PTPRD: variants seen among roughly 807,000 people sequenced by gnomAD.
PTPRD encodes the protein receptor-type tyrosine-protein phosphatase delta.
PTPRD carries 34 observed loss-of-function variants against 214.5 expected under a neutral mutation model. The ratio of observed to expected loss-of-function variants is 0.16; its 90% CI spans 0.12 to 0.21. The LOEUF is 0.21. Ranked by LOEUF, PTPRD falls within the 10% of genes least tolerant of loss-of-function variation. The probability of loss-of-function intolerance (pLI) is 1.00; values close to 1 mark genes in which losing one functional copy is unlikely to be tolerated. For missense variants in PTPRD, 2,545 were observed against 2,398.7 expected, an observed-to-expected ratio of 1.06 and a Z score of -1.27; for synonymous variants, 1,128 against 845.7, an observed-to-expected ratio of 1.33 and a Z score of -5.79.
At chr9:9,206,250 G>C (rs766715632) in intron 9 of PTPRD, among the ~76,000 whole-genome samples, 2 of 152,176 alleles carry the variant, frequency 1.3e-5, no homozygotes, top group Non-Finnish European at 2.9e-5. Flanking sequence ...AGGGTGGTGG[G>C]AGATGACATA....
intron 5 of PTPRD, among the ~76,000 whole-genome samples, chr9:9,869,193 T>C (rs1413453417): frequency 1.3e-5 from 2 of 152,166 alleles, no homozygotes; most frequent in Non-Finnish European, 2.9e-5. Context: ...ATCTTGACTT[T>C]TCTGAACAAA....
intron 30 of PTPRD, among the ~76,000 whole-genome samples, chr9:8,472,853 G>C (rs772815092): frequency 1.3e-5 from 2 of 152,116 alleles, no homozygotes; most frequent in Non-Finnish European, 2.9e-5. Flanking sequence ...ATGGCACTTG[G>C]AGATATGTCT....
chr9:9,525,776 T>C (rs2073984508), intron 8 of PTPRD, among the ~76,000 whole-genome samples: 1 of 152,100 alleles, frequency 6.6e-6, no homozygotes, highest in Non-Finnish European at 1.5e-5. Context: ...CTAATATTAG[T>C]AGGTATTCAT....
At chr9:9,690,119 G>C (rs1236093462) in intron 7 of PTPRD, among the ~76,000 whole-genome samples, 3 of 151,780 alleles carry the variant, frequency 2.0e-5, no homozygotes. Flanking sequence ...CATTGTATGG[G>C]GGTTCTCCTT....
At chr9:9,750,154 C>T (rs1446947097) in intron 6 of PTPRD, among the ~76,000 whole-genome samples, 1 of 152,076 alleles carries the variant, frequency 6.6e-6, no homozygotes, top group Non-Finnish European at 1.5e-5. Flanking sequence ...TCCTTTATTC[C>T]TCTCTCTAGC....
At chr9:9,284,206 TG>T (rs1456421941) in intron 9 of PTPRD, among the ~76,000 whole-genome samples, 1 of 151,662 alleles carries the variant, frequency 6.6e-6, no homozygotes, top group African/African-American at 2.4e-5. Context: ...TAATTCCTCT[TG>T]TTCCCTACAG....
At chr9:10,573,876 T>C (rs1053024228) in intron 2 of PTPRD, among the ~76,000 whole-genome samples, 1 of 152,130 alleles carries the variant, frequency 6.6e-6, no homozygotes, top group Non-Finnish European at 1.5e-5. Flanking sequence ...CAGACCACCA[T>C]GGCACGTGTA....
At chr9:10,012,157 C>A (rs769599485) in intron 4 of PTPRD, among the ~76,000 whole-genome samples, 1 of 151,488 alleles carries the variant, frequency 6.6e-6, no homozygotes, top group African/African-American at 2.4e-5. Flanking sequence ...CATTGTAAGA[C>A]GTATACAAAT....
intron 2 of PTPRD, among the ~76,000 whole-genome samples, chr9:10,444,146 A>G (rs923697551): frequency 6.6e-6 from 1 of 151,752 alleles, no homozygotes; most frequent in Non-Finnish European, 1.5e-5. Context: ...ATAAAAACCA[A>G]TAAAAGCCAT....
chr9:8,479,674 A>C (rs896758176), intron 30 of PTPRD, among the ~76,000 whole-genome samples: 3 of 152,254 alleles, frequency 2.0e-5, no homozygotes, highest in African/African-American at 7.2e-5. Flanking sequence ...ATAATAGCTA[A>C]CACATTCTAG....
intron 9 of PTPRD, among the ~76,000 whole-genome samples, chr9:9,339,566 T>C (rs1237528118): frequency 2.0e-5 from 3 of 152,164 alleles, no homozygotes; most frequent in African/African-American, 4.8e-5. Flanking sequence ...CCTGGTATAG[T>C]CCTAACTCAC....
chr9:10,362,162 T>A (rs1184557789), intron 2 of PTPRD, among the ~76,000 whole-genome samples: 1 of 152,132 alleles, frequency 6.6e-6, no homozygotes, highest in African/African-American at 2.4e-5. Context: ...CTTGAGCTAA[T>A]CGCTCAACAA....
At chr9:8,836,615 T>A (rs1348658406) in intron 11 of PTPRD, among the ~76,000 whole-genome samples, 1 of 85,410 alleles carries the variant, frequency 1.2e-5, no homozygotes, top group Non-Finnish European at 2.3e-5. Context: ...TTTTTTTTTT[T>A]AAGACGGAGT....
intron 7 of PTPRD, among the ~76,000 whole-genome samples, chr9:9,616,169 G>A (rs1037626223): frequency 6.6e-6 from 1 of 152,098 alleles, no homozygotes; most frequent in Non-Finnish European, 1.5e-5. Context: ...TATATTGTCC[G>A]ATAACATACA....
At position 10,129,562 on chromosome 9, in the gene PTPRD, A is replaced by G. The variant is rs1313195080; in HGVS notation, c.-544-95772T>C. The stretch of plus-strand genomic sequence containing the variant: ...TTTCTTGGTTCCTTCTCCATTGTCT[A>G]CCATCTCACCTACTATCAAGAAATC... On this transcript the variant is annotated intron_variant, in intron 3 of 45. Transcript: ENST00000381196. 6.7e-5 allele frequency among the ~76,000 whole-genome samples: 9 copies of G among 135,104 alleles called. No homozygotes were observed. In the East Asian group the frequency reaches 1.9e-3, roughly 29 times the overall value. The allele number at this position is 135,104 out of a possible 152,430, so 88.6% of individuals were successfully genotyped here. A position where few individuals can be genotyped will look rare whatever the true frequency, so the allele number is the denominator to read the frequency against.
At chr9:9,337,673 A>C (rs1221579322) in intron 9 of PTPRD, among the ~76,000 whole-genome samples, 1 of 152,184 alleles carries the variant, frequency 6.6e-6, no homozygotes, top group Non-Finnish European at 1.5e-5. Flanking sequence ...TGACTTTGCC[A>C]AGAAGATGCC....
chr9:9,798,515 T>C (rs1326357268), intron 5 of PTPRD, among the ~76,000 whole-genome samples: 1 of 152,122 alleles, frequency 6.6e-6, no homozygotes, highest in Non-Finnish European at 1.5e-5. Flanking sequence ...CTTCCAAGGA[T>C]AGGGAAGGGA....
At chr9:10,173,623 AT>A (rs201020661) in intron 3 of PTPRD, among the ~76,000 whole-genome samples, 65 of 151,194 alleles carry the variant, frequency 4.3e-4, no homozygotes, top group African/African-American at 1.1e-3. Context: ...TTTTCAGAAC[AT>A]TTTTTTTTAA....
rs181344169 is a variant in PTPRD at position 9,592,722 on chromosome 9, C to T, written c.-286-17941G>A. On this transcript the variant is annotated intron_variant, in intron 7 of 45. Coordinates refer to ENST00000381196, the MANE Select transcript of PTPRD (RefSeq NM_002839.4). ...GAACAATTCATGTAGGTGAAGATTGCTAAAACCAATGTAATATCAATAGCA... is the reference window on the plus strand; with the variant it reads ...GAACAATTCATGTAGGTGAAGATTGTTAAAACCAATGTAATATCAATAGCA... 1.5e-4 allele frequency among the ~76,000 whole-genome samples: 23 copies of T among 152,050 alleles called. No homozygotes were observed. In the East Asian group the frequency reaches 4.1e-3, roughly 27 times the overall value.
Sources: gnomAD v4.1 joint callset for allele counts (sites outside exome capture counted in the v4.1 genomes callset) on GRCh38, gnomAD v4.1.1 for gene constraint, MANE v1.5 for transcripts, NCBI Gene and HGNC (gene_info 2026-07-23, HGNC 2026-07-21) for gene names.